SKAP2: variants seen among roughly 807,000 people sequenced by gnomAD.
SKAP2 encodes the protein src kinase-associated phosphoprotein 2.
A neutral mutation model predicts 54.9 loss-of-function variants in SKAP2; 28 were observed. The ratio of observed to expected loss-of-function variants is 0.51; its 90% CI spans 0.38 to 0.70. SKAP2 has a LOEUF of 0.70. SKAP2 is among the 30% of genes least tolerant of loss of function. The probability of loss-of-function intolerance (pLI) is 0.00; values close to 1 mark genes in which losing one functional copy is unlikely to be tolerated. For synonymous variants in SKAP2, 137 were observed against 134.3 expected (o/e 1.02, Z -0.14); for missense variants, 356 against 424.1 (o/e 0.84, Z 1.41).
At chr7:26,694,093 A>G in intron 9 of SKAP2, among the ~76,000 whole-genome samples, 1 of 152,216 alleles carries the variant, frequency 6.6e-6, no homozygotes, top group East Asian at 1.9e-4. Flanking sequence ...TATTAGAAAT[A>G]TATACATTCA....
At chr7:26,803,130 A>T (rs1226348827) in intron 4 of SKAP2, among the ~76,000 whole-genome samples, 1 of 152,180 alleles carries the variant, frequency 6.6e-6, no homozygotes, top group Non-Finnish European at 1.5e-5. Flanking sequence ...GGATCACATC[A>T]AGTTAAAAAG....
At chr7:26,698,289 A>G (rs1786939212) in intron 9 of SKAP2, among the ~76,000 whole-genome samples, 2 of 152,238 alleles carry the variant, frequency 1.3e-5, no homozygotes, top group African/African-American at 4.8e-5. Context: ...TACTGGCTCC[A>G]CATCCCTTAT....
chr7:26,853,497 T>C (rs1280613546), intron 3 of SKAP2, among the ~76,000 whole-genome samples: 1 of 152,082 alleles, frequency 6.6e-6, no homozygotes, highest in Non-Finnish European at 1.5e-5. Flanking sequence ...TAAGCAGCTG[T>C]CTCTCAAATC....
intron 4 of SKAP2, among the ~76,000 whole-genome samples, chr7:26,822,924 A>C (rs1345391225): frequency 6.6e-6 from 1 of 152,146 alleles, no homozygotes; most frequent in East Asian, 1.9e-4. Context: ...TAAGTGTTCA[A>C]GTGAAAGAAA....
intron 4 of SKAP2, among the ~76,000 whole-genome samples, chr7:26,794,158 T>A (rs888468924): frequency 2.4e-4 from 36 of 152,360 alleles, no homozygotes; most frequent in African/African-American, 8.7e-4. Context: ...TTTTATATTT[T>A]TAAATATGAG....
Position 26,803,672 on chromosome 7 carries a change from C to T in SKAP2, c.307+40358G>A, listed in dbSNP as rs755647857. Among the ~76,000 whole-genome samples, 9 of 152,260 alleles carry T rather than the reference C, an allele frequency of 5.9e-5. No homozygotes were observed. The South Asian group carries it at 1.7e-3, about 28-fold the overall frequency. ...TACTGAAGAGATATCTGCACTCCTA[C>T]GTTTGTTGCAGCATTATTTATGATA... On this transcript the variant is annotated intron_variant, in intron 4 of 12. Coordinates refer to ENST00000345317, the MANE Select transcript of SKAP2 (RefSeq NM_003930.5).
intron 4 of SKAP2, among the ~76,000 whole-genome samples, chr7:26,787,596 G>C (rs531029661): frequency 2.7e-4 from 41 of 152,234 alleles, no homozygotes; most frequent in African/African-American, 9.9e-4. Context: ...CAAAGCGTTG[G>C]GATTACAGGC....
chr7:26,745,825 T>C (rs567145524), intron 4 of SKAP2, among the ~76,000 whole-genome samples: 2 of 152,224 alleles, frequency 1.3e-5, no homozygotes, highest in Admixed American at 6.5e-5. Flanking sequence ...AATAGACCCA[T>C]TTTTTAAAAA....
At chr7:26,818,196 G>A (rs1784312314) in intron 4 of SKAP2, among the ~76,000 whole-genome samples, 1 of 152,044 alleles carries the variant, frequency 6.6e-6, no homozygotes, top group African/African-American at 2.4e-5. Flanking sequence ...TATACTACAA[G>A]GCTACAGTAA....
At chr7:26,664,268 T>C (rs949753957), downstream of SKAP2, among the ~76,000 whole-genome samples, 2 of 152,102 alleles carry the variant, frequency 1.3e-5, no homozygotes, top group African/African-American at 4.8e-5. Context: ...ACTTACTTCA[T>C]AGGGTTGTTA....
At chr7:26,685,905 G>A (rs180765539) in intron 10 of SKAP2, among the ~76,000 whole-genome samples, 1 of 152,252 alleles carries the variant, frequency 6.6e-6, no homozygotes, top group Non-Finnish European at 1.5e-5. Context: ...ATATATACGT[G>A]CTAACAACTT....
At chr7:26,754,828 C>A (rs1367169515) in intron 4 of SKAP2, among the ~76,000 whole-genome samples, 1 of 152,068 alleles carries the variant, frequency 6.6e-6, no homozygotes, top group Non-Finnish European at 1.5e-5. Context: ...GAGGCTAGGG[C>A]AATAAAATGG....
rs867708439 is a variant in SKAP2, at chr7:26,831,642, A to C, written c.307+12388T>G. On this transcript the variant is annotated intron_variant, in intron 4 of 12. Transcript: ENST00000345317. ...TACCTTATCCTACTCAATCCTAAGA[A>C]TAACCATAGGTTATAGATACTATTA... Among the ~76,000 whole-genome samples, 4 of 152,316 alleles carry C rather than the reference A, an allele frequency of 2.6e-5. No homozygotes were observed. The East Asian group carries it at 7.7e-4, about 29-fold the overall frequency.
At chr7:26,664,501 A>G (rs1786072238), downstream of SKAP2, among the ~76,000 whole-genome samples, 1 of 152,126 alleles carries the variant, frequency 6.6e-6, no homozygotes. Flanking sequence ...AGCTGTCTTT[A>G]ACCAGCATAC....
rs141997246 is a variant in SKAP2, at chr7:26,765,966, T to A, written c.308-26002A>T. Reference sequence around the variant, plus strand: ...TTAGCTATGCGGGCCCTTTTTTGGTTCCATATGAAATTTACAGTAGTTTTT... The same window carrying A: ...TTAGCTATGCGGGCCCTTTTTTGGTACCATATGAAATTTACAGTAGTTTTT... On this transcript the variant is annotated intron_variant, in intron 4 of 12. Coordinates refer to ENST00000345317, the MANE Select transcript of SKAP2 (RefSeq NM_003930.5). Among the ~76,000 whole-genome samples the A allele has an allele frequency of 4.9e-3, 744 of 152,296 alleles. 11 individuals carry two copies. Among genetic ancestry groups the A allele is most frequent in the Non-Finnish European group, 4.9e-3 (333 of 68,024 alleles).
At chr7:26,754,380 AC>A (rs1782746091) in intron 4 of SKAP2, among the ~76,000 whole-genome samples, 6 of 139,280 alleles carry the variant, frequency 4.3e-5, no homozygotes, top group South Asian at 2.4e-4. Flanking sequence ...ACACACACAC[AC>A]AAAAAGTATT....
chr7:26,769,624 T>C lies in SKAP2; in HGVS notation c.308-29660A>G, dbSNP rs186297087. Among the ~76,000 whole-genome samples, 132 of 152,326 alleles carry C rather than the reference T, an allele frequency of 8.7e-4. 3 individuals carry two copies. In the East Asian group the frequency reaches 0.025, roughly 29 times the overall value. On this transcript the variant is annotated intron_variant, in intron 4 of 12. Transcript: ENST00000345317. ...ACCTTTGGTTTTGCTGTTGGTGACC[T>C]TCAGATGGAGTTTTTGAGTGGTCGT...
At chr7:26,725,808 C>CA (rs1787694394) in intron 8 of SKAP2, 115 bp downstream of exon 8, 1 of 883,392 alleles carries the variant, frequency 1.1e-6, no homozygotes, top group Admixed American at 2.3e-5. Context: ...ATAACAGTCA[C>CA]ATTCAAGTTG....
At chr7:26,764,154 C>A (rs1157448319) in intron 4 of SKAP2, among the ~76,000 whole-genome samples, 8 of 152,076 alleles carry the variant, frequency 5.3e-5, no homozygotes, top group Non-Finnish European at 1.2e-4. Flanking sequence ...GATTCTTTCC[C>A]AGGTAGTCTG....
Sources: gnomAD v4.1 joint callset for allele counts (sites outside exome capture counted in the v4.1 genomes callset) on GRCh38, gnomAD v4.1.1 for gene constraint, MANE v1.5 for transcripts, NCBI Gene and HGNC (gene_info 2026-07-23, HGNC 2026-07-21) for gene names.